The following HEXA variants were observed in gnomAD, a reference collection of about 807,000 sequenced individuals.
HEXA encodes the protein hexosaminidase subunit alpha.
A neutral mutation model predicts 73.3 loss-of-function variants in HEXA; 54 were observed. That is an observed-to-expected ratio of 0.74 (90% CI 0.59 to 0.92). HEXA has a LOEUF of 0.92. Ranked by LOEUF, HEXA falls within the 40% of genes least tolerant of loss-of-function variation. HEXA has a pLI of 0.00. For missense variants in HEXA, 649 were observed against 653.0 expected (o/e 0.99, Z 0.07); for synonymous variants, 230 against 246.9 (o/e 0.93, Z 0.64).
intron 3 of HEXA, chr15:72,354,131 T>A: frequency 4.6e-6 from 1 of 217,272 alleles, no homozygotes; most frequent in Non-Finnish European, 9.2e-6. Flanking sequence ...ATAACCCCTA[T>A]CAGGAGCTAA....
intron 1 of HEXA, among the ~76,000 whole-genome samples, chr15:72,364,086 A>T (rs903058753): frequency 1.3e-5 from 2 of 152,124 alleles, no homozygotes; most frequent in African/African-American, 4.8e-5. Context: ...GCCAGTCAAC[A>T]TGGCGAAACC....
At chr15:72,363,446 G>T (rs1321160409) in intron 1 of HEXA, among the ~76,000 whole-genome samples, 1 of 152,212 alleles carries the variant, frequency 6.6e-6, no homozygotes, top group Non-Finnish European at 1.5e-5. Flanking sequence ...CTACCAAGAG[G>T]AGAAAAGGTA....
At chr15:72,361,284 G>A (rs1445611679) in intron 1 of HEXA, among the ~76,000 whole-genome samples, 3 of 152,126 alleles carry the variant, frequency 2.0e-5, no homozygotes, top group Admixed American at 6.5e-5. Flanking sequence ...TAGCTTAGGG[G>A]ACATTGCTCT....
chr15:72,374,008 CAAAA>C (rs550464062), intron 1 of HEXA, among the ~76,000 whole-genome samples: 3 of 68,204 alleles, frequency 4.4e-5, no homozygotes, highest in African/African-American at 4.7e-5. Context: ...GACTCCGTCT[CAAAA>C]AAAAAAAAAA....
chr15:72,369,007 T>G (rs2088952855), intron 1 of HEXA, among the ~76,000 whole-genome samples: 1 of 152,218 alleles, frequency 6.6e-6, no homozygotes, highest in African/African-American at 2.4e-5. Context: ...CCATACGTCC[T>G]GTATTTTTGA....
chr15:72,370,698 A>AAAAAAAAAAG, intron 1 of HEXA: 4 of 211,060 alleles, frequency 1.9e-5, no homozygotes, highest in South Asian at 3.9e-4. Context: ...CCTGTTTCTT[A>AAAAAAAAAAG]AAAAAAAAAA....
chr15:72,371,911 G>A (rs2088999351), intron 1 of HEXA, among the ~76,000 whole-genome samples: 1 of 152,164 alleles, frequency 6.6e-6, no homozygotes, highest in African/African-American at 2.4e-5. Context: ...CTGGAGAAGG[G>A]GGGCAGGATT....
intron 4 of HEXA, 115 bp downstream of exon 4, chr15:72,353,576 G>T: frequency 2.5e-6 from 2 of 788,890 alleles, no homozygotes; most frequent in East Asian, 4.9e-5. Context: ...ATTTCTACTG[G>T]GGCTATCTCA....
chr15:72,358,333 T>A (rs984428826), intron 1 of HEXA: 1 of 152,098 alleles, frequency 6.6e-6, no homozygotes, highest in African/African-American at 2.4e-5. Context: ...GCCTGCCACA[T>A]AAGGAGAAAT....
At chr15:72,366,824 C>T (rs956426440) in intron 1 of HEXA, among the ~76,000 whole-genome samples, 1 of 152,164 alleles carries the variant, frequency 6.6e-6, no homozygotes, top group African/African-American at 2.4e-5. Context: ...ACTCATTCTC[C>T]CAAGCTCTAG....
intron 1 of HEXA, chr15:72,370,419 G>T: frequency 2.6e-6 from 1 of 389,764 alleles, no homozygotes; most frequent in Non-Finnish European, 4.5e-6. Flanking sequence ...GGTAATAAAT[G>T]GTGGCTCACA....
Position 72,341,141 on chromosome 15 carries a change from T to TG in HEXA, c.*2935dup, listed in dbSNP as rs1206146355. On this transcript the variant is annotated 3_prime_UTR_variant, in exon 14 of 14. Coordinates refer to ENST00000268097, the MANE Select transcript of HEXA (RefSeq NM_000520.6). ...GCTAGGAATGTTGCCATAAGGTATG[T>TG]GTACCTACATTAATACTAAATAAAT... is the stretch of plus-strand genomic sequence containing the variant. 6.6e-6 allele frequency: 1 copy of TG among 152,106 alleles called. No homozygotes were observed. Among genetic ancestry groups the TG allele is most frequent in the Non-Finnish European group, 1.5e-5 (1 of 68,028 alleles). 9.4% of individuals were successfully genotyped at this position (152,106 alleles called of 1,614,324 possible).
At position 72,350,508 on chromosome 15, in the gene HEXA, T is replaced by G; in HGVS notation, c.805+10A>C. 1 of 1,613,858 alleles carries G rather than the reference T, an allele frequency of 6.2e-7. No homozygotes were observed. The highest frequency in any genetic ancestry group is 8.5e-7 in the Non-Finnish European group (1 of 1,179,914). On this transcript the variant is annotated intron_variant, in intron 7 of 13. Transcript: ENST00000268097. ...AGCAGAGTCCCTCTGGTCCCAGACA[T>G]CATTCTTACCTGGTCCCCAGGACAA...
chr15:72,371,743 A>G (rs1366374324), intron 1 of HEXA, among the ~76,000 whole-genome samples: 1 of 152,204 alleles, frequency 6.6e-6, no homozygotes, highest in Non-Finnish European at 1.5e-5. Context: ...ATGGCCAAAG[A>G]AGGTATTTTA....
In HEXA at chr15:72,367,013, G is replaced by A. The variant is rs1437493338; in HGVS notation, c.253+8707C>T. 2.6e-5 allele frequency among the ~76,000 whole-genome samples: 4 copies of A among 151,216 alleles called. No individual in the cohort carries two copies. The East Asian group carries it at 5.9e-4, about 22-fold the overall frequency. On this transcript the variant is annotated intron_variant, in intron 1 of 13. Coordinates refer to ENST00000268097, the MANE Select transcript of HEXA (RefSeq NM_000520.6). ...GGCTGGAGTGCAGTGGCGCACTCTCGGCTCACTGCAACCTCCACCTCCTGG... is the reference window on the plus strand; with the variant it reads ...GGCTGGAGTGCAGTGGCGCACTCTCAGCTCACTGCAACCTCCACCTCCTGG...
At chr15:72,361,661 C>G (rs777645417) in intron 1 of HEXA, among the ~76,000 whole-genome samples, 1 of 152,224 alleles carries the variant, frequency 6.6e-6, no homozygotes, top group African/African-American at 2.4e-5. Flanking sequence ...TTCTTCTACA[C>G]CTTCCATCTA....
Position 72,353,149 on chromosome 15 carries a change from G to A in HEXA, c.489C>T (p.Asp163=). Residue 163 remains aspartate (D), a synonymous_variant, in exon 5 of 14, where the codon GAC becomes GAT. Transcript: ENST00000268097. The part of the protein sequence containing the change: ...TFFINKTEIE[D]FPRFPHRGLL... The stretch of plus-strand genomic sequence containing the variant: ...AGCCCCGGTGAGGAAAGCGGGGAAA[G>A]TCCTCAATCTCAGTCTTGTTGATAA... 1.2e-6 allele frequency: 2 copies of A among 1,612,552 alleles called. No homozygotes were observed. Among genetic ancestry groups the A allele is most frequent in the Non-Finnish European group, 1.7e-6 (2 of 1,178,580 alleles).
At chr15:72,356,765 G>C in intron 1 of HEXA, 148 bp from the exon 2 acceptor site, 3 of 1,170,780 alleles carry the variant, frequency 2.6e-6, no homozygotes, top group Non-Finnish European at 3.7e-6. Context: ...GGCAGTGCCT[G>C]ATCATCTGTT....
intron 2 of HEXA, 72 bp from the exon 3 acceptor site, chr15:72,355,696 A>G (rs2088768371): frequency 1.1e-5 from 11 of 1,032,558 alleles, no homozygotes; most frequent in Non-Finnish European, 1.7e-5. Context: ...CAGATATTCT[A>G]TATAAATCAC....
Sources: gnomAD v4.1 joint callset for allele counts (sites outside exome capture counted in the v4.1 genomes callset) on GRCh38, gnomAD v4.1.1 for gene constraint, MANE v1.5 for transcripts, NCBI Gene and HGNC (gene_info 2026-07-23, HGNC 2026-07-21) for gene names.